The following IMMP1L variants were observed in gnomAD, a reference collection of about 807,000 sequenced individuals.
IMMP1L encodes mitochondrial inner membrane protease subunit 1.
Under a neutral mutation model 21.8 loss-of-function variants are expected in IMMP1L, and 24 were observed. The observed-to-expected ratio is 1.10, with a 90% confidence interval of 0.80 to 1.55. The LOEUF is 1.55. Among genes scored for constraint, IMMP1L ranks in the 40% most tolerant of loss-of-function variants. The pLI is 0.00. For synonymous variants in IMMP1L, 46 were observed against 62.8 expected, an observed-to-expected ratio of 0.73 and a Z score of 1.26; for missense variants, 195 against 200.7, an observed-to-expected ratio of 0.97 and a Z score of 0.17.
At chr11:31,479,577 T>TGAG (rs1267635558) in intron 1 of IMMP1L, among the ~76,000 whole-genome samples, 1 of 152,056 alleles carries the variant, frequency 6.6e-6, no homozygotes, top group Non-Finnish European at 1.5e-5. Flanking sequence ...ACTAGCCTTA[T>TGAG]GAGGCCACTT....
intron 1 of IMMP1L, among the ~76,000 whole-genome samples, chr11:31,505,467 C>A (rs1955748086): frequency 6.6e-6 from 1 of 152,188 alleles, no homozygotes; most frequent in East Asian, 1.9e-4. Flanking sequence ...AACAAACTGA[C>A]ATTAGGCAAT....
rs541579009 is a variant in IMMP1L at position 31,464,535 on chromosome 11, T to C, written c.-29-1230A>G. On this transcript the variant is annotated intron_variant, in intron 1 of 5. Coordinates refer to ENST00000532287, the MANE Select transcript of IMMP1L (RefSeq NM_001304274.2). ...CCAATGAGCTCAGATGCAACAATCC[T>C]TAACAAAATACTAGCAAACCAAACC... 1.1e-3 allele frequency among the ~76,000 whole-genome samples: 169 copies of C among 152,238 alleles called. 1 individual carries two copies. Among genetic ancestry groups the C allele is most frequent in the African/African-American group, 3.6e-3 (149 of 41,570 alleles).
At chr11:31,476,931 C>A (rs888759766) in intron 1 of IMMP1L, among the ~76,000 whole-genome samples, 1 of 152,088 alleles carries the variant, frequency 6.6e-6, no homozygotes, top group African/African-American at 2.4e-5. Flanking sequence ...TTTAAGCACA[C>A]AACTAAACCT....
chr11:31,490,739 C>T (rs1316274253), intron 1 of IMMP1L, among the ~76,000 whole-genome samples: 1 of 151,966 alleles, frequency 6.6e-6, no homozygotes, highest in African/African-American at 2.4e-5. Flanking sequence ...CCTCCCCTAC[C>T]CAAATTCATG....
intron 1 of IMMP1L, among the ~76,000 whole-genome samples, chr11:31,487,110 T>C (rs1323576319): frequency 6.6e-6 from 1 of 151,800 alleles, no homozygotes; most frequent in Non-Finnish European, 1.5e-5. Context: ...ATATACTTTC[T>C]AAAATAATAC....
At chr11:31,490,784 A>G (rs1955228558) in intron 1 of IMMP1L, among the ~76,000 whole-genome samples, 2 of 152,244 alleles carry the variant, frequency 1.3e-5, no homozygotes, top group East Asian at 3.9e-4. Flanking sequence ...CCTTATTTGG[A>G]AAAAGGGTCT....
At position 31,470,427 on chromosome 11, in the gene IMMP1L, C is replaced by A. The variant is rs938977679; in HGVS notation, c.-29-7122G>T. On this transcript the variant is annotated intron_variant, in intron 1 of 5. Transcript: ENST00000532287. ...AAACTCCATCTCAAAAAACAAAAAA[C>A]AAAAAACAAAAAAAAAAAGAATCAG... Among the ~76,000 whole-genome samples the A allele has an allele frequency of 3.1e-3, 370 of 118,198 alleles. 1 individual carries two copies. The highest frequency in any genetic ancestry group is 4.8e-3 in the Admixed American group (57 of 11,890). The allele number at this position is 118,198 out of a possible 152,430, so 77.5% of individuals were successfully genotyped here. A position where few individuals can be genotyped will look rare whatever the true frequency, so the allele number is the denominator to read the frequency against.
At chr11:31,449,149 G>T in intron 4 of IMMP1L, 1 of 852,162 alleles carries the variant, frequency 1.2e-6, no homozygotes. Context: ...ACATTATTAG[G>T]CAGTTCTTCT....
Position 31,463,200 on chromosome 11 carries a change from G to T in IMMP1L, c.77C>A (p.Ala26Asp). The change falls in exon 2 of 6, where the codon GCT becomes GAT. Residue 26 changes from alanine to aspartate, a missense_variant. Physicochemically the swap from Ala to Asp is moderately radical, Grantham distance 126. Coordinates refer to ENST00000532287, the MANE Select transcript of IMMP1L (RefSeq NM_001304274.2). ...TIQYGCIAHCAFEYVGGVVMC... is the reference protein window; with the variant it reads ...TIQYGCIAHCDFEYVGGVVMC... ...GACAACACCACCAACGTATTCAAAA[G>T]CACAATGAGCTATACAGCCATATTG... 1 of 1,609,266 alleles carries T rather than the reference G, an allele frequency of 6.2e-7. No homozygotes were observed. Among genetic ancestry groups the T allele is most frequent in the South Asian group, 1.1e-5 (1 of 90,028 alleles).
At chr11:31,489,730 C>A (rs1955194935) in intron 1 of IMMP1L, among the ~76,000 whole-genome samples, 1 of 152,122 alleles carries the variant, frequency 6.6e-6, no homozygotes, top group Admixed American at 6.6e-5. Context: ...ATTCAATCTT[C>A]TCTCTTTATG....
At chr11:31,454,365 G>A (rs536777473) in intron 4 of IMMP1L, among the ~76,000 whole-genome samples, 1 of 144,340 alleles carries the variant, frequency 6.9e-6, no homozygotes, top group Admixed American at 7.3e-5. Context: ...TGTGGGAGGA[G>A]CATCTGAGCC....
intron 4 of IMMP1L, among the ~76,000 whole-genome samples, chr11:31,447,240 T>C (rs1410708851): frequency 6.6e-6 from 1 of 152,160 alleles, no homozygotes; most frequent in Non-Finnish European, 1.5e-5. Flanking sequence ...ATTTAAGTCT[T>C]CTCTCCCAGT....
intron 4 of IMMP1L, among the ~76,000 whole-genome samples, chr11:31,443,802 C>G (rs1181805093): frequency 6.6e-6 from 1 of 152,154 alleles, no homozygotes; most frequent in Non-Finnish European, 1.5e-5. Context: ...ACCTTACATT[C>G]ATAGCCAGTC....
chr11:31,481,737 T>G (rs1490060955), intron 1 of IMMP1L, among the ~76,000 whole-genome samples: 1 of 151,888 alleles, frequency 6.6e-6, no homozygotes, highest in African/African-American at 2.4e-5. Flanking sequence ...TACTTAAAAT[T>G]TAAAAGAAGT....
At chr11:31,484,886 G>T (rs1016907412) in intron 1 of IMMP1L, among the ~76,000 whole-genome samples, 1 of 151,714 alleles carries the variant, frequency 6.6e-6, no homozygotes, top group Admixed American at 6.6e-5. Flanking sequence ...AAAATTTGTT[G>T]ACTTAGAAAG....
intron 1 of IMMP1L, among the ~76,000 whole-genome samples, chr11:31,485,819 C>T (rs545732281): frequency 2.0e-4 from 31 of 151,836 alleles, no homozygotes; most frequent in South Asian, 8.3e-4. Flanking sequence ...CATAGAATTC[C>T]GAGGAAATCA....
At chr11:31,486,799 C>T (rs1290209509) in intron 1 of IMMP1L, among the ~76,000 whole-genome samples, 4 of 151,666 alleles carry the variant, frequency 2.6e-5, no homozygotes, top group Non-Finnish European at 5.9e-5. Flanking sequence ...AAACATAATG[C>T]TGAGCAAAGG....
chr11:31,436,208 T>A (rs972302028), intron 4 of IMMP1L, among the ~76,000 whole-genome samples: 1 of 152,158 alleles, frequency 6.6e-6, no homozygotes, highest in Non-Finnish European at 1.5e-5. Flanking sequence ...TTCCACAAAG[T>A]TTTTAGTTTT....
At chr11:31,464,433 T>G (rs1221336420) in intron 1 of IMMP1L, among the ~76,000 whole-genome samples, 1 of 152,144 alleles carries the variant, frequency 6.6e-6, no homozygotes, top group Non-Finnish European at 1.5e-5. Flanking sequence ...GAATTCTTCC[T>G]AATTCATTCT....
Sources: gnomAD v4.1 joint callset for allele counts (sites outside exome capture counted in the v4.1 genomes callset) on GRCh38, gnomAD v4.1.1 for gene constraint, MANE v1.5 for transcripts, NCBI Gene and HGNC (gene_info 2026-07-23, HGNC 2026-07-21) for gene names.